The following TLN2 variants were observed in gnomAD, a reference collection of about 807,000 sequenced individuals.
The protein encoded by TLN2 is talin-2.
Under a neutral mutation model 294.7 loss-of-function variants are expected in TLN2, and 118 were observed. That is an observed-to-expected ratio of 0.40 (90% CI 0.34 to 0.47). The LOEUF (loss-of-function observed/expected upper bound fraction) is 0.47, where lower values mean the gene tolerates loss of function less well. Among genes scored for constraint, TLN2 ranks in the 20% least tolerant of loss-of-function variants. TLN2 has a pLI of 0.84. For synonymous variants in TLN2, 1,431 were observed against 1,304.5 expected, an observed-to-expected ratio of 1.10 and a Z score of -2.09; for missense variants, 3,083 against 3,282.2, an observed-to-expected ratio of 0.94 and a Z score of 1.48.
intron 9 of TLN2, among the ~76,000 whole-genome samples, chr15:62,658,395 T>C (rs147780929): frequency 3.5e-4 from 53 of 152,268 alleles, no homozygotes; most frequent in African/African-American, 1.2e-3. Context: ...CAGTTTCACT[T>C]TGGTGGAAAG....
chr15:62,461,891 G>A (rs147313046), intron 1 of TLN2, among the ~76,000 whole-genome samples: 8 of 152,306 alleles, frequency 5.3e-5, no homozygotes, highest in Admixed American at 2.6e-4. Flanking sequence ...TCATGGCCTG[G>A]GACATTTAAC....
At chr15:62,809,830 G>A in intron 51 of TLN2, 95 bp from the exon 52 acceptor site, 2 of 1,191,842 alleles carry the variant, frequency 1.7e-6, no homozygotes, top group South Asian at 1.3e-5. Context: ...AGTTTCTTGA[G>A]GTCACCAGGG....
chr15:62,801,740 G>A (rs1055542586), intron 50 of TLN2, among the ~76,000 whole-genome samples: 1 of 152,176 alleles, frequency 6.6e-6, no homozygotes. Flanking sequence ...AAGTACCACT[G>A]CCTGGCACTT....
At chr15:62,700,495 C>T (rs1414806731) in intron 16 of TLN2, among the ~76,000 whole-genome samples, 2 of 152,114 alleles carry the variant, frequency 1.3e-5, no homozygotes, top group Admixed American at 1.3e-4. Context: ...GGCACAGGAC[C>T]TGCCTATGAT....
intron 7 of TLN2, among the ~76,000 whole-genome samples, chr15:62,654,858 C>A (rs939502455): frequency 1.3e-5 from 2 of 151,864 alleles, no homozygotes; most frequent in Admixed American, 1.3e-4. Context: ...GCACGTAACC[C>A]CATGTGTCCC....
intron 1 of TLN2, among the ~76,000 whole-genome samples, chr15:62,538,250 AG>A (rs1391560980): frequency 1.3e-5 from 2 of 151,974 alleles, no homozygotes; most frequent in Non-Finnish European, 2.9e-5. Flanking sequence ...CAAAAACACC[AG>A]CCTTTTCTTT....
intron 1 of TLN2, among the ~76,000 whole-genome samples, chr15:62,502,231 ATTG>A (rs1017768646): frequency 2.0e-5 from 3 of 152,192 alleles, no homozygotes; most frequent in Non-Finnish European, 4.4e-5. Context: ...CAAAATATGT[ATTG>A]TTTTTCTAGG....
intron 1 of TLN2, among the ~76,000 whole-genome samples, chr15:62,447,404 A>G (rs1448098766): frequency 2.0e-5 from 3 of 151,964 alleles, no homozygotes; most frequent in Non-Finnish European, 4.4e-5. Flanking sequence ...GAGACAAGTG[A>G]ATGGAATGGA....
Position 62,650,190 on chromosome 15 carries a change from C to A in TLN2, c.234+9C>A, listed in dbSNP as rs766191776. On this transcript the variant is annotated intron_variant, in intron 5 of 58. Transcript: ENST00000636159. Reference sequence around the variant, plus strand: ...ACATGTTGCGGAATGGGGTATGCTGCCAATCCCAGTGCTGTTTCTTCATCC... The same window carrying A: ...ACATGTTGCGGAATGGGGTATGCTGACAATCCCAGTGCTGTTTCTTCATCC... 10 of 1,613,764 alleles carry A rather than the reference C, an allele frequency of 6.2e-6. No homozygotes were observed. The highest frequency in any genetic ancestry group is 8.5e-6 in the Non-Finnish European group (10 of 1,179,692).
chr15:62,480,011 G>A (rs971412798), intron 1 of TLN2, among the ~76,000 whole-genome samples: 1 of 152,258 alleles, frequency 6.6e-6, no homozygotes, highest in Non-Finnish European at 1.5e-5. Context: ...TGGTGGGCCA[G>A]TTGGTCTCCT....
At chr15:62,429,798 T>C (rs745321989) in intron 1 of TLN2, among the ~76,000 whole-genome samples, 4 of 152,164 alleles carry the variant, frequency 2.6e-5, no homozygotes, top group Non-Finnish European at 5.9e-5. Context: ...AATGCTGAAG[T>C]GTTTGCATCT....
At chr15:62,600,049 A>G (rs1007623076) in intron 2 of TLN2, among the ~76,000 whole-genome samples, 3 of 152,206 alleles carry the variant, frequency 2.0e-5, no homozygotes, top group African/African-American at 7.2e-5. Flanking sequence ...GGATATTGCT[A>G]GAGCGGGTAG....
intron 32 of TLN2, 110 bp from the exon 33 acceptor site, chr15:62,748,241 C>T (rs1432226918): frequency 9.9e-6 from 8 of 804,090 alleles, no homozygotes; most frequent in Non-Finnish European, 1.6e-5. Context: ...CTCCTGGGGA[C>T]CCGAGCTGAA....
chr15:62,393,051 T>C (rs1481837233), intron 1 of TLN2, among the ~76,000 whole-genome samples: 2 of 152,012 alleles, frequency 1.3e-5, no homozygotes, highest in African/African-American at 2.4e-5. Flanking sequence ...GCCCAAGATA[T>C]ATTTTTCCAA....
chr15:62,678,541 C>G (rs551781511), intron 11 of TLN2, among the ~76,000 whole-genome samples: 2 of 152,108 alleles, frequency 1.3e-5, no homozygotes, highest in Non-Finnish European at 2.9e-5. Context: ...AGAGAGAAAT[C>G]TATAACAGGC....
chr15:62,644,465 C>T (rs956003903), intron 3 of TLN2: 17 of 455,666 alleles, frequency 3.7e-5, no homozygotes, highest in African/African-American at 1.4e-4. Flanking sequence ...TCCATCTTTG[C>T]GTTCAATTCT....
intron 37 of TLN2, among the ~76,000 whole-genome samples, chr15:62,759,399 G>A (rs138492042): frequency 0.012 from 1,900 of 152,276 alleles, 26 homozygotes; most frequent in Middle Eastern, 0.071. Flanking sequence ...ATGTTAATAT[G>A]ATTTTAGGGC....
intron 54 of TLN2, chr15:62,827,877 A>G (rs2068371952): frequency 6.6e-6 from 1 of 152,186 alleles, no homozygotes; most frequent in Non-Finnish European, 1.5e-5. Flanking sequence ...TTAGGAGGGG[A>G]AGTAGGCTTA....
In TLN2 at chr15:62,691,320, T is replaced by C. The variant is rs547446242; in HGVS notation, c.1114-1520T>C. Among the ~76,000 whole-genome samples the C allele has an allele frequency of 9.8e-5, 15 of 152,324 alleles. No homozygotes were observed. The Middle Eastern group carries it at 0.01, about 104-fold the overall frequency. On this transcript the variant is annotated intron_variant, in intron 12 of 58. Coordinates refer to ENST00000636159, the MANE Select transcript of TLN2 (RefSeq NM_015059.3). Reference sequence around the variant, plus strand: ...TATTGTTCAGATTGACTAAATTCTGTTGATCTATTTTCAGGTTTACTGATT... The same window carrying C: ...TATTGTTCAGATTGACTAAATTCTGCTGATCTATTTTCAGGTTTACTGATT...
Sources: allele counts gnomAD v4.1 joint callset (sites outside exome capture counted in the v4.1 genomes callset), GRCh38; gene constraint gnomAD v4.1.1; transcripts MANE v1.5; gene names NCBI Gene and HGNC (gene_info 2026-07-23, HGNC 2026-07-21).